Variants in KCNAB2 observed in about 807,000 individuals in gnomAD.
KCNAB2 encodes voltage-gated potassium channel subunit beta-2.
KCNAB2 carries 29 observed loss-of-function variants against 63.6 expected under a neutral mutation model. The ratio of observed to expected loss-of-function variants is 0.46; its 90% CI spans 0.34 to 0.62. KCNAB2 has a LOEUF of 0.62. Among genes scored for constraint, KCNAB2 ranks in the 20% least tolerant of loss-of-function variants. KCNAB2 has a pLI of 0.01. For missense variants in KCNAB2, 359 were observed against 563.9 expected (o/e 0.64, Z 3.68); for synonymous variants, 222 against 224.2 (o/e 0.99, Z 0.09).
Position 6,003,899 on chromosome 1 carries a change from G to A in KCNAB2, c.-53+11111G>A, listed in dbSNP as rs1657403345. Among the ~76,000 whole-genome samples, 1 of 152,250 alleles carries A rather than the reference G, an allele frequency of 6.6e-6. No homozygotes were observed. The highest frequency in any genetic ancestry group is 2.1e-4 in the South Asian group (1 of 4,834). On this transcript the variant is annotated intron_variant, in intron 1 of 16. Coordinates refer to the KCNAB2 transcript ENST00000341524. The surrounding 1 kb of genome is among the most constrained non-coding windows in gnomAD (Gnocchi z 4.1). ...TTATTCAGCGGGGCCTTTAATGGAT[G>A]TGGTGGAGTAAAGCTGCCTTTCAAA...
rs185796754 is a variant in KCNAB2, at chr1:6,046,456, A to G, written c.-27+273A>G. ...TCTGCTCACAGCCCAGACCTGCCCA[A>G]GGCTGACTGTTTTCCCATCTGCCGG... On this transcript the variant is annotated intron_variant, in intron 1 of 15. Transcript: ENST00000378083. Among the ~76,000 whole-genome samples the G allele has an allele frequency of 3.6e-3, 542 of 152,356 alleles. 2 individuals are homozygous for G. The highest frequency in any genetic ancestry group is 0.012 in the African/African-American group (511 of 41,586).
At chr1:6,050,971 C>A (rs965641410) in intron 1 of KCNAB2, among the ~76,000 whole-genome samples, 1 of 152,272 alleles carries the variant, frequency 6.6e-6, no homozygotes, top group African/African-American at 2.4e-5. Flanking sequence ...ATGTTGGGGC[C>A]ACCTGGCATG....
At chr1:6,006,617 T>A (rs796252983) in intron 1 of KCNAB2, among the ~76,000 whole-genome samples, 1 of 1,242 alleles carries the variant, frequency 8.1e-4, no homozygotes, top group Non-Finnish European at 1.7e-3. Context: ...AGCTCCCACA[T>A]CCCCCCACTC....
intron 1 of KCNAB2, 146 bp from the exon 2 acceptor site, chr1:6,051,365 C>T (rs953531178): frequency 4.4e-6 from 4 of 917,288 alleles, no homozygotes; most frequent in East Asian, 5.9e-5. Context: ...ATCCAGGGGC[C>T]GGGTCCCACT....
upstream of KCNAB2, among the ~76,000 whole-genome samples, chr1:6,031,892 AAAAG>A (rs1328149753): frequency 1.3e-5 from 2 of 152,168 alleles, no homozygotes; most frequent in East Asian, 1.9e-4. This position sits in a 1 kb window ranked among gnomAD's most constrained non-coding sequence, Gnocchi z 4.1. Context: ...CTGTCTCAAA[AAAAG>A]AAAGAAAGAG....
chr1:6,084,171 G>A (rs572870053), intron 5 of KCNAB2, among the ~76,000 whole-genome samples: 4 of 152,352 alleles, frequency 2.6e-5, no homozygotes, highest in East Asian at 3.9e-4. Flanking sequence ...ATCATTCTCC[G>A]TCTGTTGTTT....
At chr1:6,010,445 G>C (rs1658085790) in intron 1 of KCNAB2, among the ~76,000 whole-genome samples, 1 of 152,102 alleles carries the variant, frequency 6.6e-6, no homozygotes, top group Non-Finnish European at 1.5e-5. Context: ...AAAATAAAAA[G>C]TAACTGGAAA....
rs188979402 is a variant in KCNAB2 at position 6,069,678 on chromosome 1, C to T, written c.219-3077C>T. Among the ~76,000 whole-genome samples, 16 of 152,212 alleles carry T rather than the reference C, an allele frequency of 1.1e-4. No homozygotes were observed. Among genetic ancestry groups the T allele is most frequent in the East Asian group, 3.8e-4 (2 of 5,200 alleles). On this transcript the variant is annotated intron_variant, in intron 2 of 15. Coordinates refer to ENST00000378083, the MANE Select transcript of KCNAB2 (RefSeq NM_001199862.2). The surrounding 1 kb of genome is among the most constrained non-coding windows in gnomAD (Gnocchi z 5.4). ...CAGCCCCATCCAGACCCGGCTGAGA[C>T]GTGTGCTCCCCACCCCACACGCAGC...
intron 4 of KCNAB2, among the ~76,000 whole-genome samples, chr1:6,081,882 G>A (rs549346963): frequency 2.5e-4 from 38 of 152,308 alleles, no homozygotes; most frequent in African/African-American, 7.7e-4. Context: ...GATACTGTTC[G>A]ACCCAGTACA....
At chr1:6,042,906 G>A (rs1362211095), upstream of KCNAB2, among the ~76,000 whole-genome samples, 2 of 139,038 alleles carry the variant, frequency 1.4e-5, no homozygotes, top group African/African-American at 5.4e-5. Flanking sequence ...GATGCTCAGA[G>A]TGATCTGTGC....
intron 1 of KCNAB2, among the ~76,000 whole-genome samples, chr1:6,014,938 G>A (rs1329958493): frequency 6.6e-6 from 1 of 151,982 alleles, no homozygotes; most frequent in African/African-American, 2.4e-5. Context: ...GCCCCCAGAG[G>A]AGCAGGACAG....
Position 6,045,919 on chromosome 1 carries a change from G to A in KCNAB2, c.-291G>A. Reference sequence around the variant, plus strand: ...CCTTGCCAGGTTGCAGCACGGAACTGCACTTCCCGAGCTTTTAGGGGAAGA... The same window carrying A: ...CCTTGCCAGGTTGCAGCACGGAACTACACTTCCCGAGCTTTTAGGGGAAGA... On this transcript the variant is annotated 5_prime_UTR_variant, in exon 1 of 16. Transcript: ENST00000378083. This position sits in a 1 kb window ranked among gnomAD's most constrained non-coding sequence, Gnocchi z 4.8. 1 of 985,436 alleles carries A rather than the reference G, an allele frequency of 1.0e-6. No individual in the cohort carries two copies. Among genetic ancestry groups the A allele is most frequent in the East Asian group, 1.1e-4 (1 of 8,804 alleles). The allele number at this position is 985,436 out of a possible 1,614,324, so 61.0% of individuals were successfully genotyped here. A position where few individuals can be genotyped will look rare whatever the true frequency, so the allele number is the denominator to read the frequency against.
intron 1 of KCNAB2, among the ~76,000 whole-genome samples, chr1:6,013,119 A>G (rs564122461): frequency 6.6e-6 from 1 of 152,228 alleles, no homozygotes; most frequent in African/African-American, 2.4e-5. Flanking sequence ...GTTATCTATA[A>G]GCAGAAAGCT....
intron 1 of KCNAB2, among the ~76,000 whole-genome samples, chr1:6,050,033 C>T (rs983732613): frequency 9.2e-5 from 14 of 152,164 alleles, no homozygotes; most frequent in Non-Finnish European, 1.5e-5. Flanking sequence ...TTCCTTTGGC[C>T]CCTGGAGCTC....
chr1:5,993,406 G>A (rs993805913), intron 1 of KCNAB2, among the ~76,000 whole-genome samples: 2 of 151,478 alleles, frequency 1.3e-5, no homozygotes, highest in African/African-American at 4.9e-5. Flanking sequence ...CCAGTTCCTC[G>A]GGCTGTTTAC....
chr1:5,993,664 C>T (rs1362970107), intron 1 of KCNAB2, among the ~76,000 whole-genome samples: 1 of 152,204 alleles, frequency 6.6e-6, no homozygotes. Flanking sequence ...GGGGCTCTTA[C>T]AGGGACTGTG....
chr1:6,049,198 G>T (rs368231314), intron 1 of KCNAB2, among the ~76,000 whole-genome samples: 1 of 152,242 alleles, frequency 6.6e-6, no homozygotes, highest in East Asian at 1.9e-4. Flanking sequence ...AAATGCCCAG[G>T]TATAGCCCTG....
At chr1:6,023,725 C>G (rs1658978621) in intron 1 of KCNAB2, among the ~76,000 whole-genome samples, 1 of 152,096 alleles carries the variant, frequency 6.6e-6, no homozygotes, top group Admixed American at 6.6e-5. Flanking sequence ...CAAGTATTTT[C>G]ACTCACTCTG....
chr1:6,038,764 A>G (rs757196848), intron 1 of KCNAB2, among the ~76,000 whole-genome samples: 52 of 152,186 alleles, frequency 3.4e-4, no homozygotes, highest in Admixed American at 2.7e-3. Context: ...CTTCCTGGTG[A>G]CGGGAGGTCA....
Sources: gnomAD v4.1 joint callset for allele counts (sites outside exome capture counted in the v4.1 genomes callset) on GRCh38, gnomAD v4.1.1 for gene constraint, Gnocchi (gnomAD v3.1) non-coding constraint, MANE v1.5 for transcripts, NCBI Gene and HGNC (gene_info 2026-07-23, HGNC 2026-07-21) for gene names.